Variants in PDE4B observed in about 807,000 individuals in gnomAD.
PDE4B encodes phosphodiesterase 4B.
A neutral mutation model predicts 82.2 loss-of-function variants in PDE4B; 20 were observed. The ratio of observed to expected loss-of-function variants is 0.24; its 90% CI spans 0.17 to 0.35. The LOEUF (loss-of-function observed/expected upper bound fraction) is 0.35, where lower values mean the gene tolerates loss of function less well. Among genes scored for constraint, PDE4B ranks in the 10% least tolerant of loss-of-function variants. The pLI is 1.00. For synonymous variants in PDE4B, 320 were observed against 318.9 expected (o/e 1.00, Z -0.04); for missense variants, 655 against 907.2 (o/e 0.72, Z 3.57).
At chr1:66,344,413 G>T (rs1161790739) in intron 8 of PDE4B, among the ~76,000 whole-genome samples, 2 of 152,112 alleles carry the variant, frequency 1.3e-5, no homozygotes, top group African/African-American at 4.8e-5. Context: ...TTTAATTTCA[G>T]AGAATTTGCT....
intron 1 of PDE4B, among the ~76,000 whole-genome samples, chr1:65,801,297 C>T (rs1645692583): frequency 6.6e-6 from 1 of 152,182 alleles, no homozygotes; most frequent in Admixed American, 6.5e-5. Context: ...TACCTCCAGG[C>T]TTACTATTCC....
chr1:66,366,082 T>A (rs1358305607), intron 13 of PDE4B, among the ~76,000 whole-genome samples: 1 of 152,114 alleles, frequency 6.6e-6, no homozygotes, highest in African/African-American at 2.4e-5. Context: ...GGGGATCCCA[T>A]GATAATGACT....
At chr1:65,813,920 T>C (rs1449720373) in intron 1 of PDE4B, among the ~76,000 whole-genome samples, 2 of 147,400 alleles carry the variant, frequency 1.4e-5, no homozygotes, top group East Asian at 3.9e-4. Flanking sequence ...AAAACAACAG[T>C]TGAGAGATCT....
chr1:66,327,745 G>A (rs1659838268), intron 7 of PDE4B, among the ~76,000 whole-genome samples: 1 of 152,224 alleles, frequency 6.6e-6, no homozygotes. Flanking sequence ...ATATTGCACA[G>A]CTTCCCTGTG....
chr1:66,003,352 A>ATT (rs1557489939), intron 3 of PDE4B, among the ~76,000 whole-genome samples: 3 of 150,982 alleles, frequency 2.0e-5, no homozygotes, highest in Middle Eastern at 3.4e-3. Context: ...ATACATTTAA[A>ATT]AAAAAAAAAC....
At chr1:65,885,254 C>T (rs28825166) in intron 1 of PDE4B, among the ~76,000 whole-genome samples, 27,633 of 152,128 alleles carry the variant, frequency 0.18, 2,949 homozygotes, top group South Asian at 0.38. Context: ...CACTTTTACA[C>T]TGTTGGTGGG....
In PDE4B at chr1:65,892,038, C is replaced by T. The variant is rs148251522; in HGVS notation, c.-70-21207C>T. 9.3e-4 allele frequency among the ~76,000 whole-genome samples: 142 copies of T among 152,104 alleles called. 2 individuals carry two copies. In the East Asian group the frequency reaches 0.023, roughly 24 times the overall value. ...TTAATTTAAATTCATCAACTTCTGCCTTGATGTAAGAGAAAATCTTATAAT... is the reference window on the plus strand; with the variant it reads ...TTAATTTAAATTCATCAACTTCTGCTTTGATGTAAGAGAAAATCTTATAAT... On this transcript the variant is annotated intron_variant, in intron 1 of 16. Coordinates refer to ENST00000341517, the MANE Select transcript of PDE4B (RefSeq NM_002600.4).
rs193257679 is a variant in PDE4B, at chr1:66,215,960, G to A, written c.282-31500G>A. On this transcript the variant is annotated intron_variant, in intron 3 of 16. Coordinates refer to ENST00000341517, the MANE Select transcript of PDE4B (RefSeq NM_002600.4). Reference sequence around the variant, plus strand: ...TGGTATGAGATTGGAGTTTTAAAGTGGCATGGAATGTAGTTCCAAAACTGA... The same window carrying A: ...TGGTATGAGATTGGAGTTTTAAAGTAGCATGGAATGTAGTTCCAAAACTGA... Among the ~76,000 whole-genome samples the A allele has an allele frequency of 2.5e-3, 377 of 152,132 alleles. 2 individuals are homozygous for A. Among genetic ancestry groups the A allele is most frequent in the Non-Finnish European group, 2.4e-3 (160 of 67,976 alleles).
At chr1:65,860,791 T>G (rs1646445574) in intron 1 of PDE4B, among the ~76,000 whole-genome samples, 1 of 152,262 alleles carries the variant, frequency 6.6e-6, no homozygotes, top group South Asian at 2.1e-4. Flanking sequence ...ATTCCTCTAA[T>G]GACCAGTGAA....
intron 7 of PDE4B, among the ~76,000 whole-genome samples, chr1:66,312,365 G>A (rs1265750809): frequency 6.6e-6 from 1 of 152,086 alleles, no homozygotes; most frequent in African/African-American, 2.4e-5. Flanking sequence ...AGACTCTAAG[G>A]GAACATCCAT....
Position 66,226,346 on chromosome 1 carries a change from A to G in PDE4B, c.282-21114A>G, listed in dbSNP as rs78398051. ...TGAAGCCTGCATTTAATGGAGAGAT[A>G]CTGATTAAAAATGAAGCAACAAATA... is the stretch of plus-strand genomic sequence containing the variant. On this transcript the variant is annotated intron_variant, in intron 3 of 16. Coordinates refer to ENST00000341517, the MANE Select transcript of PDE4B (RefSeq NM_002600.4). Among the ~76,000 whole-genome samples, 342 of 152,374 alleles carry G rather than the reference A, an allele frequency of 2.2e-3. 10 individuals are homozygous for G. In the East Asian group the frequency reaches 0.061, roughly 27 times the overall value.
Position 65,893,388 on chromosome 1 carries a change from C to T in PDE4B, c.-70-19857C>T, listed in dbSNP as rs146226759. On this transcript the variant is annotated intron_variant, in intron 1 of 16. Transcript: ENST00000341517. ...AAACATGAAAAAATGCTCAACATCA[C>T]TAATCATCAGCGAAATGCAAATTAA... 3.7e-3 allele frequency among the ~76,000 whole-genome samples: 561 copies of T among 152,120 alleles called. 4 individuals carry two copies. Among genetic ancestry groups the T allele is most frequent in the African/African-American group, 0.012 (509 of 41,506 alleles).
At chr1:66,293,932 A>C (rs1286343622) in intron 7 of PDE4B, among the ~76,000 whole-genome samples, 3 of 152,190 alleles carry the variant, frequency 2.0e-5, no homozygotes, top group Non-Finnish European at 4.4e-5. Flanking sequence ...GTGGCCGGAC[A>C]TGGTGGCTCA....
At chr1:66,092,021 G>A (rs1387404432) in intron 3 of PDE4B, among the ~76,000 whole-genome samples, 1 of 151,936 alleles carries the variant, frequency 6.6e-6, no homozygotes, top group Non-Finnish European at 1.5e-5. Context: ...TGCATTTTCA[G>A]TGCCTATCAT....
chr1:65,921,109 C>T (rs1480546493), intron 3 of PDE4B, among the ~76,000 whole-genome samples: 1 of 150,482 alleles, frequency 6.6e-6, no homozygotes, highest in African/African-American at 2.4e-5. Flanking sequence ...GCTGGGACTA[C>T]AGGCGCCTGC....
Position 66,192,551 on chromosome 1 carries a change from T to C in PDE4B, c.282-54909T>C, listed in dbSNP as rs1453982530. 2.6e-5 allele frequency among the ~76,000 whole-genome samples: 4 copies of C among 152,314 alleles called. No individual in the cohort carries two copies. The South Asian group carries it at 6.2e-4, about 24-fold the overall frequency. On this transcript the variant is annotated intron_variant, in intron 3 of 16. Transcript: ENST00000341517. ...GAAACCCCGGAAGATCATGACTGTT[T>C]CCTTCATATTTATACCCATTACCCC... is the stretch of plus-strand genomic sequence containing the variant.
chr1:66,214,418 G>A (rs925211282), intron 3 of PDE4B, among the ~76,000 whole-genome samples: 3 of 152,090 alleles, frequency 2.0e-5, no homozygotes, highest in Non-Finnish European at 2.9e-5. Flanking sequence ...CAAGGGAGTT[G>A]GAGGTGAATT....
intron 3 of PDE4B, among the ~76,000 whole-genome samples, chr1:66,011,360 T>C (rs1652477472): frequency 6.6e-6 from 1 of 152,082 alleles, no homozygotes; most frequent in African/African-American, 2.4e-5. Flanking sequence ...TTTGAGTTGC[T>C]TGTCACTAAT....
intron 3 of PDE4B, among the ~76,000 whole-genome samples, chr1:66,192,446 C>T (rs1647901558): frequency 6.6e-6 from 1 of 152,162 alleles, no homozygotes; most frequent in East Asian, 1.9e-4. Flanking sequence ...TAGCTCTTCT[C>T]ACTGTACTGT....
Sources: allele counts gnomAD v4.1 joint callset (sites outside exome capture counted in the v4.1 genomes callset), GRCh38; gene constraint gnomAD v4.1.1; transcripts MANE v1.5; gene names NCBI Gene and HGNC (gene_info 2026-07-23, HGNC 2026-07-21).